The following CEP192 variants were observed in gnomAD, a reference collection of about 807,000 sequenced individuals.
The protein encoded by CEP192 is centrosomal protein 192.
CEP192 carries 151 observed loss-of-function variants against 271.8 expected under a neutral mutation model. The observed-to-expected ratio is 0.56, with a 90% CI of 0.49 to 0.64. The LOEUF (loss-of-function observed/expected upper bound fraction) is 0.64. Ranked by LOEUF, CEP192 falls within the 30% of genes least tolerant of loss-of-function variation. CEP192 has a pLI of 0.00. For synonymous variants in CEP192, 995 were observed against 1,076.5 expected, an observed-to-expected ratio of 0.92 and a Z score of 1.48; for missense variants, 2,910 against 3,020.5, an observed-to-expected ratio of 0.96 and a Z score of 0.86.
chr18:13,059,095 C>T lies in CEP192; in HGVS notation c.4271C>T (p.Thr1424Ile), dbSNP rs1249081009. 2 of 1,612,192 alleles carry T rather than the reference C, an allele frequency of 1.2e-6. No individual in the cohort carries two copies. Among genetic ancestry groups the T allele is most frequent in the Non-Finnish European group, 1.7e-6 (2 of 1,178,406 alleles). The change falls in exon 21 of 45, where the codon ACA (threonine) becomes ATA (isoleucine). Residue 1424 changes from threonine (T) to isoleucine (I), a missense_variant. By Grantham distance (89) the Thr-to-Ile change is moderately conservative (BLOSUM62 -1). Coordinates refer to ENST00000506447, the MANE Select transcript of CEP192 (RefSeq NM_032142.4). ...TCTTTTTTGAAGGTGGATCTTTCAA[C>T]ATATCGTTGTTTAGTTTTCAAGAAT... Reference protein sequence around the residue: ...SVNGEKVDLSTYRCLVFKNKA... With the variant: ...SVNGEKVDLSIYRCLVFKNKA...
intron 30 of CEP192, among the ~76,000 whole-genome samples, chr18:13,079,243 C>G (rs896570944): frequency 1.1e-4 from 17 of 152,188 alleles, no homozygotes; most frequent in African/African-American, 3.6e-4. Context: ...CTAGTTTACA[C>G]TCCCACCAAC....
At chr18:13,007,522 A>G (rs1426369494) in intron 3 of CEP192, among the ~76,000 whole-genome samples, 3 of 152,050 alleles carry the variant, frequency 2.0e-5, no homozygotes, top group African/African-American at 4.8e-5. Context: ...TCCTGTCACC[A>G]TCTTGCTCCC....
intron 17 of CEP192, among the ~76,000 whole-genome samples, chr18:13,050,393 A>T (rs1384696082): frequency 1.4e-4 from 21 of 152,186 alleles, no homozygotes; most frequent in Admixed American, 1.3e-3. Flanking sequence ...AAAGATACCT[A>T]TTAACTATTT....
chr18:13,038,272 T>C (rs2036017203), intron 12 of CEP192, 98 bp from the exon 13 acceptor site: 3 of 1,023,766 alleles, frequency 2.9e-6, no homozygotes, highest in Middle Eastern at 2.2e-4. Context: ...AATTACTTTT[T>C]AAATTTTCTT....
intron 34 of CEP192, 22 bp downstream of exon 34, chr18:13,092,549 CT>C (rs761275643): frequency 6.4e-7 from 1 of 1,556,732 alleles, no homozygotes; most frequent in Non-Finnish European, 8.7e-7. Context: ...GAACAGAAAT[CT>C]TTCACCAGAT....
intron 3 of CEP192, among the ~76,000 whole-genome samples, chr18:13,005,509 A>G (rs1053071757): frequency 7.9e-5 from 12 of 152,322 alleles, no homozygotes; most frequent in African/African-American, 2.6e-4. Flanking sequence ...TCTTGAGGGT[A>G]TCCTCTTGAC....
In CEP192 at chr18:13,058,748, C is replaced by A. The variant is rs147924827; in HGVS notation, c.4258-334C>A. The A allele has an allele frequency of 3.7e-3, 970 of 263,710 alleles. 8 individuals are homozygous for A. Among genetic ancestry groups the A allele is most frequent in the African/African-American group, 0.021 (926 of 45,030 alleles). The allele number at this position is 263,710 out of a possible 1,614,324, so 16.3% of individuals were successfully genotyped here. On this transcript the variant is annotated intron_variant, in intron 20 of 44. Transcript: ENST00000506447. ...TCTTCCCCCCAGCCCCCACCCACTG[C>A]TGTGTTGTGTGTGCTAGAGAGACTT...
chr18:13,088,478 A>T (rs916977188), intron 32 of CEP192, among the ~76,000 whole-genome samples: 25 of 152,272 alleles, frequency 1.6e-4, no homozygotes, highest in African/African-American at 6.0e-4. Context: ...TAATTTAAAC[A>T]TAGTTTGATA....
chr18:13,036,455 C>T (rs2035923577), intron 11 of CEP192, among the ~76,000 whole-genome samples: 1 of 152,244 alleles, frequency 6.6e-6, no homozygotes, highest in Non-Finnish European at 1.5e-5. Flanking sequence ...TTTCTCCTTT[C>T]TGCTCCAACC....
intron 41 of CEP192, 90 bp downstream of exon 41, chr18:13,113,795 G>A: frequency 8.7e-7 from 1 of 1,147,326 alleles, no homozygotes; most frequent in Non-Finnish European, 1.2e-6. Context: ...TGAAAATGCA[G>A]AATATAGCCC....
chr18:13,058,912 CGTT>C (rs1190414423), intron 20 of CEP192, 167 bp from the exon 21 acceptor site: 17 of 601,444 alleles, frequency 2.8e-5, no homozygotes, highest in African/African-American at 7.4e-5. Context: ...GCATTTGACT[CGTT>C]GTACTTCAGA....
In CEP192 at chr18:13,110,754, CTG is replaced by C. The variant is rs1340745687; in HGVS notation, c.7048-2829_7048-2828del. ...GGAAGCCAACAGTGCAGCCTTCAGT[CTG>C]TGGCCAAACTGACTATCAGAGGGCC... On this transcript the variant is annotated intron_variant, in intron 40 of 44. Transcript: ENST00000506447. 3.3e-5 allele frequency among the ~76,000 whole-genome samples: 5 copies of C among 152,320 alleles called. No homozygotes were observed. In the East Asian group the frequency reaches 7.7e-4, roughly 23 times the overall value.
chr18:13,003,540 G>T (rs995002255), intron 3 of CEP192, among the ~76,000 whole-genome samples: 1 of 151,920 alleles, frequency 6.6e-6, no homozygotes, highest in African/African-American at 2.4e-5. Flanking sequence ...CAGACTTCAG[G>T]CCAAAGGTGC....
intron 2 of CEP192, among the ~76,000 whole-genome samples, chr18:13,000,096 T>C (rs1303169776): frequency 0.049 from 4,503 of 91,864 alleles, 302 homozygotes; most frequent in African/African-American, 0.077. Context: ...TCTCTCTTTT[T>C]TTTTTTTTTT....
In CEP192 at chr18:13,069,083, C is replaced by T; in HGVS notation, c.4963-6C>T. ...GTTGAAATGTCTGTCTTGCCCCATC[C>T]TCCAGACGATGCATTTCTTGGCCAA... On this transcript the variant is annotated splice_polypyrimidine_tract_variant and splice_region_variant and intron_variant, in intron 25 of 44. Coordinates refer to ENST00000506447, the MANE Select transcript of CEP192 (RefSeq NM_032142.4). 3 of 1,614,062 alleles carry T rather than the reference C, an allele frequency of 1.9e-6. No individual in the cohort carries two copies. The highest frequency in any genetic ancestry group is 2.5e-6 in the Non-Finnish European group (3 of 1,179,920).
intron 30 of CEP192, among the ~76,000 whole-genome samples, chr18:13,083,132 G>A (rs865953299): frequency 6.6e-6 from 1 of 152,088 alleles, no homozygotes; most frequent in African/African-American, 2.4e-5. Flanking sequence ...TATCTTTGTG[G>A]TGTTCTCTGT....
chr18:13,086,266 T>G (rs911480451), intron 30 of CEP192, among the ~76,000 whole-genome samples: 4 of 152,208 alleles, frequency 2.6e-5, no homozygotes, highest in African/African-American at 9.6e-5. Context: ...CTTATCAGAT[T>G]AAGGAGATTT....
chr18:13,123,881 C>T (rs969597817), intron 44 of CEP192, among the ~76,000 whole-genome samples: 21 of 152,084 alleles, frequency 1.4e-4, no homozygotes, highest in African/African-American at 4.3e-4. Context: ...AGTTTCCGGC[C>T]GGGCATGGTG....
chr18:13,086,976 C>T, intron 30 of CEP192, 41 bp from the exon 31 acceptor site: 1 of 1,436,116 alleles, frequency 7.0e-7, no homozygotes, highest in Non-Finnish European at 9.6e-7. Context: ...TCGCTTTCTG[C>T]TTAACATTAA....
Sources: gnomAD v4.1 joint callset for allele counts (sites outside exome capture counted in the v4.1 genomes callset) on GRCh38, gnomAD v4.1.1 for gene constraint, MANE v1.5 for transcripts, NCBI Gene and HGNC (gene_info 2026-07-23, HGNC 2026-07-21) for gene names.